FHIT: variants seen among roughly 807,000 people sequenced by gnomAD.
FHIT encodes bis(5'-adenosyl)-triphosphatase.
A neutral mutation model predicts 17.9 loss-of-function variants in FHIT; 19 were observed. That is an observed-to-expected ratio of 1.06 (90% CI 0.74 to 1.56). FHIT has a LOEUF of 1.56. FHIT is among the 40% of genes most tolerant of loss of function. FHIT has a pLI of 0.00. For missense variants in FHIT, 248 were observed against 189.2 expected, an observed-to-expected ratio of 1.31 and a Z score of -1.82; for synonymous variants, 81 against 69.7, an observed-to-expected ratio of 1.16 and a Z score of -0.81.
At chr3:60,654,635 G>T in intron 4 of FHIT, among the ~76,000 whole-genome samples, 1 of 152,166 alleles carries the variant, frequency 6.6e-6, no homozygotes, top group East Asian at 1.9e-4. Flanking sequence ...AAGGTGGAAT[G>T]ATTTTGATAA....
At chr3:61,028,579 T>C (rs535904250) in intron 3 of FHIT, among the ~76,000 whole-genome samples, 3 of 152,294 alleles carry the variant, frequency 2.0e-5, no homozygotes, top group African/African-American at 7.2e-5. Context: ...AAACCCAGAC[T>C]CTTTCACTAA....
At chr3:60,059,258 T>G (rs1448971280) in intron 5 of FHIT, among the ~76,000 whole-genome samples, 4 of 152,140 alleles carry the variant, frequency 2.6e-5, no homozygotes, top group African/African-American at 9.7e-5. Flanking sequence ...AGCATGCGCA[T>G]TAAGAGACAA....
chr3:60,825,160 G>A (rs374111009), intron 3 of FHIT, among the ~76,000 whole-genome samples: 2 of 152,148 alleles, frequency 1.3e-5, no homozygotes, highest in African/African-American at 4.8e-5. Flanking sequence ...ATTATCAAAA[G>A]TGACAGTACA....
intron 5 of FHIT, among the ~76,000 whole-genome samples, chr3:60,026,321 A>AG (rs1196085433): frequency 6.6e-6 from 1 of 151,966 alleles, no homozygotes; most frequent in Non-Finnish European, 1.5e-5. Context: ...GGTTTAGAAA[A>AG]AAAAAAAATA....
chr3:60,135,443 T>G (rs1576177745), intron 5 of FHIT, among the ~76,000 whole-genome samples: 1 of 152,296 alleles, frequency 6.6e-6, no homozygotes, highest in East Asian at 1.9e-4. Flanking sequence ...TTGATTCAAA[T>G]ATTTGTGGAA....
chr3:60,647,123 A>G (rs2039878396), intron 4 of FHIT, among the ~76,000 whole-genome samples: 1 of 152,156 alleles, frequency 6.6e-6, no homozygotes, highest in Admixed American at 6.5e-5. Context: ...ATATACCTTT[A>G]GCAATGAACA....
chr3:59,890,061 A>G (rs917353064), intron 8 of FHIT, among the ~76,000 whole-genome samples: 7 of 152,226 alleles, frequency 4.6e-5, no homozygotes, highest in African/African-American at 1.7e-4. Flanking sequence ...AAAATATCAC[A>G]TTACAACAAG....
chr3:61,142,772 A>G (rs1226603579), intron 2 of FHIT, among the ~76,000 whole-genome samples: 4 of 152,234 alleles, frequency 2.6e-5, no homozygotes, highest in African/African-American at 7.2e-5. Context: ...AAACATATCA[A>G]GAGTATCTGT....
intron 7 of FHIT, among the ~76,000 whole-genome samples, chr3:60,003,777 A>G (rs866390837): frequency 7.2e-5 from 11 of 152,118 alleles, no homozygotes; most frequent in South Asian, 6.2e-4. Context: ...TGGCTCATCT[A>G]CTGAGGTTGA....
chr3:60,391,260 T>C (rs1192696786), intron 5 of FHIT, among the ~76,000 whole-genome samples: 2 of 152,114 alleles, frequency 1.3e-5, no homozygotes, highest in African/African-American at 2.4e-5. Flanking sequence ...CTGAGATTAT[T>C]GAAGAAAGAA....
At chr3:60,554,892 C>T (rs190789995) in intron 4 of FHIT, among the ~76,000 whole-genome samples, 12 of 152,264 alleles carry the variant, frequency 7.9e-5, no homozygotes, top group Admixed American at 2.0e-4. Context: ...TTTGCTAAAA[C>T]GGAGTATAAG....
intron 8 of FHIT, among the ~76,000 whole-genome samples, chr3:59,819,096 C>T (rs987520125): frequency 3.3e-5 from 5 of 152,086 alleles, no homozygotes; most frequent in African/African-American, 1.2e-4. Flanking sequence ...TTTCTTTTTT[C>T]CTGTTGCATC....
At chr3:60,740,072 A>G (rs1293643568) in intron 4 of FHIT, among the ~76,000 whole-genome samples, 2 of 152,262 alleles carry the variant, frequency 1.3e-5, no homozygotes, top group East Asian at 1.9e-4. Flanking sequence ...ATCAGAGCAT[A>G]TCTCTTTGCT....
At chr3:60,497,141 C>T (rs538404105) in intron 5 of FHIT, among the ~76,000 whole-genome samples, 109 of 151,932 alleles carry the variant, frequency 7.2e-4, no homozygotes, top group African/African-American at 2.5e-3. Flanking sequence ...TGTATCTGGT[C>T]GGTACAGGTA....
At chr3:60,767,730 T>A (rs557019837) in intron 4 of FHIT, among the ~76,000 whole-genome samples, 48 of 152,314 alleles carry the variant, frequency 3.2e-4, no homozygotes, top group Middle Eastern at 3.4e-3. Context: ...TAGATTAGAA[T>A]CAAAGAAAGG....
chr3:60,014,944 G>A (rs1700284780), intron 5 of FHIT, among the ~76,000 whole-genome samples: 1 of 151,814 alleles, frequency 6.6e-6, no homozygotes, highest in South Asian at 2.1e-4. Context: ...ATTACTTCTT[G>A]ATAGGAAATT....
chr3:61,126,219 G>C (rs2036601804), intron 2 of FHIT, among the ~76,000 whole-genome samples: 1 of 151,630 alleles, frequency 6.6e-6, no homozygotes, highest in African/African-American at 2.4e-5. Flanking sequence ...CTAGGCAGCA[G>C]GGCCCAATAG....
At chr3:60,459,969 T>C (rs998780841) in intron 5 of FHIT, among the ~76,000 whole-genome samples, 11 of 152,166 alleles carry the variant, frequency 7.2e-5, no homozygotes, top group African/African-American at 2.7e-4. Flanking sequence ...CCAGACAAGA[T>C]GTCCTTCTCT....
chr3:60,291,767 G>A (rs925687157), intron 5 of FHIT, among the ~76,000 whole-genome samples: 2 of 152,048 alleles, frequency 1.3e-5, no homozygotes, highest in Non-Finnish European at 1.5e-5. Flanking sequence ...ATCTTTATGA[G>A]AGAAAGGACT....
Sources: allele counts gnomAD v4.1 joint callset (sites outside exome capture counted in the v4.1 genomes callset), GRCh38; gene constraint gnomAD v4.1.1; transcripts MANE v1.5; gene names NCBI Gene and HGNC (gene_info 2026-07-23, HGNC 2026-07-21).